HIVEP2: variants seen among roughly 807,000 people sequenced by gnomAD.
HIVEP2 encodes the protein transcription factor HIVEP2.
A neutral mutation model predicts 180.7 loss-of-function variants in HIVEP2; 14 were observed. The ratio of observed to expected loss-of-function variants is 0.08; its 90% CI spans 0.05 to 0.12. The LOEUF is 0.12. Ranked by LOEUF, HIVEP2 falls within the 10% of genes least tolerant of loss-of-function variation. The pLI is 1.00. For missense variants in HIVEP2, 2,579 were observed against 3,008.5 expected (o/e 0.86, Z 3.34); for synonymous variants, 1,184 against 1,136.4 (o/e 1.04, Z -0.84).
At chr6:142,793,754 G>A (rs1372795655) in intron 2 of HIVEP2, among the ~76,000 whole-genome samples, 1 of 148,960 alleles carries the variant, frequency 6.7e-6, no homozygotes, top group East Asian at 2.0e-4. Context: ...TCACACCCAG[G>A]CTAAAGTGCC....
chr6:142,809,353 C>T (rs1776632938), intron 2 of HIVEP2, among the ~76,000 whole-genome samples: 1 of 152,058 alleles, frequency 6.6e-6, no homozygotes, highest in African/African-American at 2.4e-5. Context: ...ATTCTAAGCC[C>T]TCCCTCTCCT....
intron 1 of HIVEP2, among the ~76,000 whole-genome samples, chr6:142,929,250 G>C (rs1203809263): frequency 6.6e-6 from 1 of 152,116 alleles, no homozygotes; most frequent in Non-Finnish European, 1.5e-5. Flanking sequence ...CAAAATTCAT[G>C]CTCTCTGGTC....
chr6:142,773,963 T>C lies in HIVEP2; in HGVS notation c.776A>G (p.Asp259Gly), dbSNP rs202020297. ...PFTESAVSKL[D>G]LEAGFIDVEA... ...TACATCAATAAAACCAGCCTCTAGG[T>C]CCAATTTAGATACAGCTGACTCTGT... is the stretch of plus-strand genomic sequence containing the variant. The change falls in exon 5 of 10, where the codon GAC (aspartate) becomes GGC (glycine). Residue 259 changes from aspartate (D) to glycine (G), a missense_variant. By Grantham distance (94) the Asp-to-Gly change is moderately conservative. Around this residue, in one of 11 missense-constraint regions of HIVEP2, gnomAD observed 142 missense variants for 135.2 expected, o/e 1.05. Coordinates refer to ENST00000367603, the MANE Select transcript of HIVEP2 (RefSeq NM_006734.4). 9.4e-4 allele frequency: 1,518 copies of C among 1,614,036 alleles called. 3 individuals carry two copies. The highest frequency in any genetic ancestry group is 1.6e-3 in the Middle Eastern group (10 of 6,084).
chr6:142,858,820 C>G (rs1582918579), intron 1 of HIVEP2, among the ~76,000 whole-genome samples: 1 of 152,142 alleles, frequency 6.6e-6, no homozygotes, highest in East Asian at 1.9e-4. Flanking sequence ...TCTCAAACTC[C>G]TGACCTCCAG....
chr6:142,782,882 A>G (rs1211927023), intron 3 of HIVEP2, among the ~76,000 whole-genome samples: 1 of 152,188 alleles, frequency 6.6e-6, no homozygotes, highest in Non-Finnish European at 1.5e-5. Context: ...CATACCTTTT[A>G]AAATAATTTT....
chr6:142,751,844 T>G lies in HIVEP2; in HGVS notation c.*1263A>C, dbSNP rs1248976477. 1.3e-5 allele frequency: 2 copies of G among 152,720 alleles called. No homozygotes were observed. The highest frequency in any genetic ancestry group is 2.9e-5 in the Non-Finnish European group (2 of 68,096). 9.5% of individuals were successfully genotyped at this position (152,720 alleles called of 1,614,324 possible). Reference sequence around the variant, plus strand: ...GTAAGGTGACCTCCCCTAACACAGATGTTAACCCTGTTCCCATGTAAACCG... The same window carrying G: ...GTAAGGTGACCTCCCCTAACACAGAGGTTAACCCTGTTCCCATGTAAACCG... On this transcript the variant is annotated 3_prime_UTR_variant, in exon 10 of 10. Coordinates refer to ENST00000367603, the MANE Select transcript of HIVEP2 (RefSeq NM_006734.4).
chr6:142,820,317 C>T (rs1776996717), intron 2 of HIVEP2, among the ~76,000 whole-genome samples: 1 of 151,944 alleles, frequency 6.6e-6, no homozygotes, highest in Admixed American at 6.6e-5. Flanking sequence ...CTCTCTCTCT[C>T]TCTCTGTATC....
intron 1 of HIVEP2, among the ~76,000 whole-genome samples, chr6:142,867,446 T>C (rs1776167933): frequency 1.3e-5 from 2 of 152,194 alleles, no homozygotes; most frequent in African/African-American, 2.4e-5. Context: ...TGAAGTGCCT[T>C]CTACAAGCCA....
intron 1 of HIVEP2, among the ~76,000 whole-genome samples, chr6:142,858,018 C>CT (rs973565393): frequency 1.4e-4 from 21 of 152,254 alleles, no homozygotes; most frequent in Admixed American, 1.2e-3. Flanking sequence ...TGCAGCTGAC[C>CT]TAGGGCGACA....
chr6:142,759,154 T>C (rs1446355232), intron 9 of HIVEP2, among the ~76,000 whole-genome samples: 1 of 151,578 alleles, frequency 6.6e-6, no homozygotes, highest in African/African-American at 2.4e-5. Flanking sequence ...AATACAAAAA[T>C]TAGCCAGGTG....
intron 1 of HIVEP2, among the ~76,000 whole-genome samples, chr6:142,883,370 T>C (rs1776622389): frequency 1.3e-5 from 2 of 151,970 alleles, no homozygotes; most frequent in Non-Finnish European, 2.9e-5. Context: ...ATTATCAAAA[T>C]GAGGTTATCC....
chr6:142,775,045 G>C lies in HIVEP2; in HGVS notation c.-307C>G. 9.1e-7 allele frequency: 1 copy of C among 1,103,192 alleles called. No homozygotes were observed. The highest frequency in any genetic ancestry group is 1.1e-6 in the Non-Finnish European group (1 of 904,336). 68.3% of individuals were successfully genotyped at this position (1,103,192 alleles called of 1,614,324 possible). A position where few individuals can be genotyped will look rare whatever the true frequency, so the allele number is the denominator to read the frequency against. ...GAAAATTTTCAACTAGGATGAAATT[G>C]GGATGATGAATAGTCTAGGAGAAAT... is the stretch of plus-strand genomic sequence containing the variant. On this transcript the variant is annotated 5_prime_UTR_variant, in exon 5 of 10. Coordinates refer to ENST00000367603, the MANE Select transcript of HIVEP2 (RefSeq NM_006734.4).
intron 2 of HIVEP2, among the ~76,000 whole-genome samples, chr6:142,787,772 G>T (rs968730554): frequency 2.0e-5 from 3 of 152,148 alleles, no homozygotes; most frequent in Admixed American, 6.5e-5. Context: ...AATGGATGAG[G>T]TTGGGGTTGA....
chr6:142,760,616 A>G lies in HIVEP2; in HGVS notation c.5672T>C (p.Ile1891Thr). 1 of 1,613,582 alleles carries G rather than the reference A, an allele frequency of 6.2e-7. No homozygotes were observed. The highest frequency in any genetic ancestry group is 8.5e-7 in the Non-Finnish European group (1 of 1,179,714). ...ATCGGAGAACTGATGATCAGTTGAAATGCTGGACATGCTATGCTTCTCTGC... is the reference window on the plus strand; with the variant it reads ...ATCGGAGAACTGATGATCAGTTGAAGTGCTGGACATGCTATGCTTCTCTGC... Reference protein sequence around the residue: ...KAAEKHSMSSISTDHQFSDAE... With the variant: ...KAAEKHSMSSTSTDHQFSDAE... The change falls in exon 9 of 10, where the codon ATT (isoleucine) becomes ACT (threonine). Residue 1891 changes from isoleucine to threonine, a missense_variant. Ile to Thr is a moderately conservative substitution (Grantham distance 89). Transcript: ENST00000367603.
At chr6:142,916,162 G>A (rs1335371266) in intron 1 of HIVEP2, among the ~76,000 whole-genome samples, 1 of 152,182 alleles carries the variant, frequency 6.6e-6, no homozygotes, top group African/African-American at 2.4e-5. Context: ...GATTAGTCTA[G>A]TGTAGTCATC....
In HIVEP2 at chr6:142,769,926, C is replaced by G. The variant is rs202211977; in HGVS notation, c.4813G>C (p.Val1605Leu). ...GAGGCCATGCGGACCAGCATGCCAACAGGCCGCTTGTGGCCCTTCCCTTCC... is the reference window on the plus strand; with the variant it reads ...GAGGCCATGCGGACCAGCATGCCAAGAGGCCGCTTGTGGCCCTTCCCTTCC... ...EEEGKGHKRPVGMLVRMASAP... is the reference protein window; with the variant it reads ...EEEGKGHKRPLGMLVRMASAP... The change falls in exon 5 of 10, where the codon GTT becomes CTT. Residue 1605 changes from valine (V) to leucine (L), a missense_variant. Physicochemically the swap from Val to Leu is conservative, Grantham distance 32. Around this residue, in one of 11 missense-constraint regions of HIVEP2, gnomAD observed 349 missense variants for 367.2 expected, o/e 0.95. Coordinates refer to ENST00000367603, the MANE Select transcript of HIVEP2 (RefSeq NM_006734.4). 2,016 of 1,614,078 alleles carry G rather than the reference C, an allele frequency of 1.2e-3. 29 individuals are homozygous for G. Among genetic ancestry groups the G allele is most frequent in the South Asian group, 0.012 (1,134 of 91,088 alleles).
At chr6:142,940,292 T>C (rs1412490008) in intron 1 of HIVEP2, among the ~76,000 whole-genome samples, 2 of 152,224 alleles carry the variant, frequency 1.3e-5, no homozygotes, top group Admixed American at 1.3e-4. Flanking sequence ...ATTAAAAAAA[T>C]CTGCAAATAA....
intron 2 of HIVEP2, among the ~76,000 whole-genome samples, chr6:142,800,595 G>A (rs1776379636): frequency 6.6e-6 from 1 of 152,118 alleles, no homozygotes; most frequent in African/African-American, 2.4e-5. Flanking sequence ...GTTTTATTGA[G>A]AGAGATTAAA....
At chr6:142,763,039 G>A (rs1775289738) in intron 7 of HIVEP2, among the ~76,000 whole-genome samples, 2 of 152,130 alleles carry the variant, frequency 1.3e-5, no homozygotes, top group Admixed American at 1.3e-4. Flanking sequence ...ATGTGTATAG[G>A]TATAGATGCT....
Sources: gnomAD v4.1 joint callset for allele counts (sites outside exome capture counted in the v4.1 genomes callset) on GRCh38, gnomAD v4.1.1 for gene constraint, gnomAD v4.1.1 regional missense constraint, MANE v1.5 for transcripts, NCBI Gene and HGNC (gene_info 2026-07-23, HGNC 2026-07-21) for gene names.